Variants in ANGPT1 observed in about 807,000 individuals in gnomAD.
ANGPT1 encodes the protein angiopoietin-1.
In ANGPT1, 17 loss-of-function variants were observed where a neutral mutation model predicts 62.2. That is an observed-to-expected ratio of 0.27 (90% CI 0.19 to 0.41). The LOEUF is 0.41. Ranked by LOEUF, ANGPT1 falls within the 10% of genes least tolerant of loss-of-function variation. The probability of loss-of-function intolerance (pLI) is 1.00; values close to 1 mark genes in which losing one functional copy is unlikely to be tolerated. For synonymous variants in ANGPT1, 199 were observed against 198.9 expected (o/e 1.00, Z 0.00); for missense variants, 478 against 594.9 (o/e 0.80, Z 2.04).
At chr8:107,357,128 C>T (rs1816063394) in intron 1 of ANGPT1, among the ~76,000 whole-genome samples, 1 of 152,052 alleles carries the variant, frequency 6.6e-6, no homozygotes, top group South Asian at 2.1e-4. Flanking sequence ...TTAAAATAGC[C>T]AACGCATCAC....
At chr8:107,433,991 A>T (rs952285328) in intron 1 of ANGPT1, among the ~76,000 whole-genome samples, 1 of 152,210 alleles carries the variant, frequency 6.6e-6, no homozygotes, top group African/African-American at 2.4e-5. Flanking sequence ...CATAGTCCTT[A>T]TCTTTCCTTT....
chr8:107,423,383 G>A (rs1212321536), intron 1 of ANGPT1, among the ~76,000 whole-genome samples: 2 of 152,278 alleles, frequency 1.3e-5, no homozygotes, highest in African/African-American at 4.8e-5. Context: ...CTTAGCTAAG[G>A]GGAGTTGACT....
intron 1 of ANGPT1, among the ~76,000 whole-genome samples, chr8:107,390,106 G>A (rs1816806777): frequency 6.6e-6 from 1 of 151,982 alleles, no homozygotes; most frequent in Non-Finnish European, 1.5e-5. Context: ...TACAACAAAA[G>A]GTGAATTACC....
At chr8:107,349,393 T>C (rs146083691) in intron 1 of ANGPT1, among the ~76,000 whole-genome samples, 1,720 of 152,224 alleles carry the variant, frequency 0.011, 22 homozygotes, top group Middle Eastern at 0.02. Context: ...TTGTTACTTT[T>C]GATCAATGTT....
Position 107,383,518 on chromosome 8 carries a change from G to A in ANGPT1, c.298-36421C>T, listed in dbSNP as rs143380050. ...TTTGTGGCAGCAAGTCATACTTCAA[G>A]TCCTGGTGGTTGTTGAGTGTGAAGG... On this transcript the variant is annotated intron_variant, in intron 1 of 8. Transcript: ENST00000517746. 9.9e-5 allele frequency among the ~76,000 whole-genome samples: 15 copies of A among 152,252 alleles called. No homozygotes were observed. In the East Asian group the frequency reaches 2.7e-3, roughly 27 times the overall value.
chr8:107,346,856 G>T, intron 2 of ANGPT1, 86 bp downstream of exon 2: 1 of 1,239,378 alleles, frequency 8.1e-7, no homozygotes, highest in Admixed American at 2.3e-5. Flanking sequence ...TCACAGTGCT[G>T]AAATGTGCTC....
intron 1 of ANGPT1, among the ~76,000 whole-genome samples, chr8:107,492,040 T>A (rs1368491): frequency 6.6e-6 from 1 of 151,886 alleles, no homozygotes; most frequent in African/African-American, 2.4e-5. Flanking sequence ...AACTTCTGGG[T>A]CTGAAAGGGT....
At chr8:107,393,800 A>T (rs1269673389) in intron 1 of ANGPT1, among the ~76,000 whole-genome samples, 2 of 152,060 alleles carry the variant, frequency 1.3e-5, no homozygotes, top group Non-Finnish European at 2.9e-5. Context: ...GCTGGACGAG[A>T]CTCCATCTCA....
intron 1 of ANGPT1, among the ~76,000 whole-genome samples, chr8:107,364,430 G>A (rs191338025): frequency 9.9e-5 from 15 of 152,128 alleles, no homozygotes; most frequent in South Asian, 6.2e-4. Context: ...ACAGGTGTGC[G>A]CCACGATGCC....
At chr8:107,255,379 T>C (rs573449750) in intron 8 of ANGPT1, among the ~76,000 whole-genome samples, 4 of 152,148 alleles carry the variant, frequency 2.6e-5, no homozygotes, top group East Asian at 1.9e-4. Flanking sequence ...TTGGAGAATA[T>C]AGGGCTAAAA....
intron 1 of ANGPT1, among the ~76,000 whole-genome samples, chr8:107,418,183 T>C (rs576514121): frequency 6.6e-6 from 1 of 152,294 alleles, no homozygotes; most frequent in South Asian, 2.1e-4. Flanking sequence ...AGACAACATA[T>C]GCAGTGAAAA....
intron 6 of ANGPT1, among the ~76,000 whole-genome samples, chr8:107,285,563 G>A (rs1814119205): frequency 6.6e-6 from 1 of 152,114 alleles, no homozygotes; most frequent in Admixed American, 6.6e-5. Context: ...GAACCTAGCT[G>A]ACTGCTTGGC....
chr8:107,475,505 C>T (rs1192519710), intron 1 of ANGPT1, among the ~76,000 whole-genome samples: 2 of 152,140 alleles, frequency 1.3e-5, no homozygotes, highest in Non-Finnish European at 2.9e-5. Context: ...CTAGGCAATA[C>T]CATTCAGGAC....
chr8:107,284,987 C>T (rs1814105593), intron 6 of ANGPT1, 139 bp from the exon 7 acceptor site: 3 of 597,146 alleles, frequency 5.0e-6, no homozygotes, highest in Middle Eastern at 5.2e-4. Flanking sequence ...CACTTTTTCT[C>T]CAGTGATTGA....
intron 7 of ANGPT1, among the ~76,000 whole-genome samples, chr8:107,276,129 C>T (rs371304667): frequency 7.9e-5 from 12 of 152,132 alleles, no homozygotes; most frequent in African/African-American, 2.9e-4. Context: ...TATTTCATCT[C>T]AGTCAAGGGG....
chr8:107,264,200 G>C, intron 8 of ANGPT1, 21 bp downstream of exon 8: 1 of 1,606,370 alleles, frequency 6.2e-7, no homozygotes. Flanking sequence ...ATAGCTTAGA[G>C]AATGGCCCCA....
intron 1 of ANGPT1, among the ~76,000 whole-genome samples, chr8:107,454,080 G>C (rs1041613220): frequency 1.3e-5 from 2 of 152,036 alleles, no homozygotes; most frequent in Non-Finnish European, 2.9e-5. Flanking sequence ...TAATATGAAT[G>C]AAAAGACCGC....
chr8:107,439,537 C>T lies in ANGPT1; in HGVS notation c.297+57725G>A, dbSNP rs1431067727. Among the ~76,000 whole-genome samples the T allele has an allele frequency of 2.6e-5, 4 of 152,006 alleles. 1 individual carries two copies. The highest frequency in any genetic ancestry group is 1.3e-4 in the Admixed American group (2 of 15,246). The stretch of plus-strand genomic sequence containing the variant: ...GTGTTTTACATGAATCACTTTTTAA[C>T]GAATATCTGTAGAAATAAGGAAGAA... On this transcript the variant is annotated intron_variant, in intron 1 of 8. Coordinates refer to ENST00000517746, the MANE Select transcript of ANGPT1 (RefSeq NM_001146.5).
chr8:107,384,225 T>C (rs886880105), intron 1 of ANGPT1, among the ~76,000 whole-genome samples: 7 of 152,192 alleles, frequency 4.6e-5, no homozygotes, highest in Non-Finnish European at 1.0e-4. Flanking sequence ...GCTTAAAAAA[T>C]GCCAAGGTTG....
Sources: gnomAD v4.1 joint callset for allele counts (sites outside exome capture counted in the v4.1 genomes callset) on GRCh38, gnomAD v4.1.1 for gene constraint, MANE v1.5 for transcripts, NCBI Gene and HGNC (gene_info 2026-07-23, HGNC 2026-07-21) for gene names.